The following COG2 variants were observed in gnomAD, a reference collection of about 807,000 sequenced individuals.
COG2 encodes component of oligomeric golgi complex 2.
Under a neutral mutation model 90.6 loss-of-function variants are expected in COG2, and 52 were observed. The ratio of observed to expected loss-of-function variants is 0.57; its 90% CI spans 0.46 to 0.72. The LOEUF is 0.72. Among genes scored for constraint, COG2 ranks in the 30% least tolerant of loss-of-function variants. COG2 has a pLI of 0.00. For synonymous variants in COG2, 337 were observed against 320.4 expected, an observed-to-expected ratio of 1.05 and a Z score of -0.55; for missense variants, 829 against 891.2, an observed-to-expected ratio of 0.93 and a Z score of 0.89.
intron 1 of COG2, among the ~76,000 whole-genome samples, chr1:230,643,304 A>G (rs565124225): frequency 5.3e-4 from 80 of 152,246 alleles, no homozygotes; most frequent in Middle Eastern, 3.2e-3. Flanking sequence ...ATATAAACTG[A>G]AAACACTTCA....
intron 9 of COG2, 128 bp downstream of exon 9, chr1:230,675,252 C>T: frequency 9.7e-7 from 1 of 1,029,298 alleles, no homozygotes; most frequent in Admixed American, 3.2e-5. Context: ...GCTAAGTGAA[C>T]ATTTAACCTT....
In COG2 at chr1:230,690,263, A is replaced by G. The variant is rs904929442; in HGVS notation, c.1934+110A>G. ...GGATAAGGCAGTGAGACTGCCTAGC[A>G]CTTCTTCACTGGATTAGTCAGAGTG... On this transcript the variant is annotated intron_variant, in intron 16 of 17. Coordinates refer to ENST00000366669, the MANE Select transcript of COG2 (RefSeq NM_007357.3). 6.7e-6 allele frequency: 6 copies of G among 890,500 alleles called. No individual in the cohort carries two copies. The Admixed American group carries it at 1.4e-4, about 21-fold the overall frequency. The allele number at this position is 890,500 out of a possible 1,614,324, so 55.2% of individuals were successfully genotyped here. A position where few individuals can be genotyped will look rare whatever the true frequency, so the allele number is the denominator to read the frequency against.
At chr1:230,644,993 G>C (rs562956052) in intron 1 of COG2, among the ~76,000 whole-genome samples, 1 of 152,080 alleles carries the variant, frequency 6.6e-6, no homozygotes, top group Non-Finnish European at 1.5e-5. Context: ...GGTCAAAGGT[G>C]GTAATGGCAT....
At chr1:230,642,701 G>A (rs1357682841) in intron 1 of COG2, 23 bp downstream of exon 1, 2 of 1,606,412 alleles carry the variant, frequency 1.2e-6, no homozygotes, top group Admixed American at 1.7e-5. Flanking sequence ...TCCGCTCCCC[G>A]GAGCCGGGCC....
chr1:230,686,295 T>G (rs1446086121), intron 12 of COG2, among the ~76,000 whole-genome samples: 1 of 152,238 alleles, frequency 6.6e-6, no homozygotes, highest in Non-Finnish European at 1.5e-5. Flanking sequence ...GTCAGCTGTT[T>G]CTGAAGACCA....
At chr1:230,688,239 A>T in intron 14 of COG2, 96 bp downstream of exon 14, 1 of 1,188,326 alleles carries the variant, frequency 8.4e-7, no homozygotes, top group Non-Finnish European at 1.2e-6. Flanking sequence ...TTTCTTCTGT[A>T]GTTGTAAATC....
chr1:230,670,280 G>C (rs890898350), intron 7 of COG2: 1 of 152,228 alleles, frequency 6.6e-6, no homozygotes. Flanking sequence ...AGCTTTGTCT[G>C]CTTCAAACTG....
chr1:230,660,774 C>T lies in COG2; in HGVS notation c.251C>T (p.Ala84Val), dbSNP rs757543910. 6.3e-7 allele frequency: 1 copy of T among 1,587,712 alleles called. No individual in the cohort carries two copies. The change falls in exon 3 of 18, where the codon GCC becomes GTC. Residue 84 changes from alanine (A) to valine (V), a missense_variant. Ala to Val is a moderately conservative substitution (Grantham distance 64). Transcript: ENST00000366669. The stretch of plus-strand genomic sequence containing the variant: ...TGCCTTTAGGTTGGCATGGACAAAG[C>T]CCTCAACCAGCTTTCTGTGCCTTTG... The part of the protein sequence containing the change: ...LSTNLVGMDK[A>V]LNQLSVPLGQ...
At chr1:230,678,201 G>A (rs1662645112) in intron 9 of COG2, 1 of 985,320 alleles carries the variant, frequency 1.0e-6, no homozygotes, top group Non-Finnish European at 1.2e-6. Flanking sequence ...CGCAGTTTTG[G>A]TCAACTGACT....
rs1328188047 is a variant in COG2, at chr1:230,679,128, CAGTT to C, written c.1166+79_1166+82del. On this transcript the variant is annotated intron_variant, in intron 10 of 17. Coordinates refer to ENST00000366669, the MANE Select transcript of COG2 (RefSeq NM_007357.3). ...GGAATGCCAGTTAAGGATGTTGCCT[CAGTT>C]AGCGGCTCCTTTTCTCTGATCATCA... 98 of 1,374,184 alleles carry C rather than the reference CAGTT, an allele frequency of 7.1e-5. No individual in the cohort carries two copies. In the East Asian group the frequency reaches 2.1e-3, roughly 29 times the overall value. The allele number at this position is 1,374,184 out of a possible 1,614,324, so 85.1% of individuals were successfully genotyped here.
At chr1:230,669,714 C>T (rs567330560) in intron 7 of COG2, 179 bp downstream of exon 7, 136 of 506,164 alleles carry the variant, frequency 2.7e-4, no homozygotes, top group Middle Eastern at 5.4e-4. Context: ...AGTAATGTTA[C>T]GATGCCAGGA....
chr1:230,668,870 CAGGGTT>C, intron 6 of COG2, 86 bp downstream of exon 6: 1 of 848,878 alleles, frequency 1.2e-6, no homozygotes, highest in South Asian at 2.1e-5. Flanking sequence ...TGTTGATCTA[CAGGGTT>C]TTGAAGCTAA....
chr1:230,671,498 T>A lies in COG2; in HGVS notation c.775-18T>A. The A allele has an allele frequency of 6.3e-7, 1 of 1,593,400 alleles. No homozygotes were observed. Among genetic ancestry groups the A allele is most frequent in the Non-Finnish European group, 8.5e-7 (1 of 1,171,800 alleles). ...CCCTTTTAAATGCTTTTTTAAAAAA[T>A]GATTTTTCTTTTAATAGGTGATTAT... On this transcript the variant is annotated intron_variant, in intron 7 of 17. Transcript: ENST00000366669.
intron 2 of COG2, among the ~76,000 whole-genome samples, 153 bp downstream of exon 2, chr1:230,659,778 A>G (rs1448801356): frequency 6.6e-6 from 1 of 152,212 alleles, no homozygotes; most frequent in African/African-American, 2.4e-5. Context: ...AAAATAACCA[A>G]ACTTTCTTGA....
chr1:230,671,973 A>G (rs1662459429), intron 8 of COG2, among the ~76,000 whole-genome samples: 1 of 152,234 alleles, frequency 6.6e-6, no homozygotes, highest in Non-Finnish European at 1.5e-5. Context: ...TAATCTGTCT[A>G]TAAATATTAA....
At chr1:230,668,826 C>A in intron 6 of COG2, 42 bp downstream of exon 6, 4 of 1,209,082 alleles carry the variant, frequency 3.3e-6, no homozygotes, top group Non-Finnish European at 3.6e-6. Flanking sequence ...TGTTTAGGGA[C>A]TTGCTAAATA....
At chr1:230,681,485 C>T (rs1395550484) in intron 10 of COG2, 1 of 151,978 alleles carries the variant, frequency 6.6e-6, no homozygotes, top group African/African-American at 2.4e-5. Context: ...GTTTCCAATA[C>T]TTCAGAGAAA....
At chr1:230,670,544 A>G (rs1416845055) in intron 7 of COG2, 2 of 152,156 alleles carry the variant, frequency 1.3e-5, no homozygotes, top group Admixed American at 1.3e-4. Context: ...TGTTTATATC[A>G]TGTTATATTC....
At chr1:230,664,918 A>C (rs1406343493) in intron 5 of COG2, among the ~76,000 whole-genome samples, 1 of 152,210 alleles carries the variant, frequency 6.6e-6, no homozygotes, top group South Asian at 2.1e-4. Flanking sequence ...AATAGCAGTC[A>C]TCTTATTTAG....
Sources: allele counts gnomAD v4.1 joint callset (sites outside exome capture counted in the v4.1 genomes callset), GRCh38; gene constraint gnomAD v4.1.1; transcripts MANE v1.5; gene names NCBI Gene and HGNC (gene_info 2026-07-23, HGNC 2026-07-21).